NDUFS1: variants seen among roughly 807,000 people sequenced by gnomAD.
The protein encoded by NDUFS1 is NADH:ubiquinone oxidoreductase core subunit S1.
A neutral mutation model predicts 84.4 loss-of-function variants in NDUFS1; 61 were observed. The observed-to-expected ratio is 0.72, with a 90% CI of 0.59 to 0.89. The LOEUF is 0.89. Among genes scored for constraint, NDUFS1 ranks in the 40% least tolerant of loss-of-function variants. The pLI, the probability that NDUFS1 is intolerant of heterozygous loss-of-function variation, is 0.00. For missense variants in NDUFS1, 891 were observed against 890.0 expected, an observed-to-expected ratio of 1.00 and a Z score of -0.01; for synonymous variants, 275 against 290.0, an observed-to-expected ratio of 0.95 and a Z score of 0.53.
Position 206,126,831 on chromosome 2 carries a change from G to A in NDUFS1, c.1898C>T (p.Thr633Ile), listed in dbSNP as rs2105943960. ...TTGATCCAGAGTATCATATGGAAGA[G>A]TCATTCCAGCAATCTACAACATGTC... The part of the protein sequence containing the change: ...IRALSEIAGM[T>I]LPYDTLDQVR... The change falls in exon 17 of 19, where the codon ACT becomes ATT. Residue 633 changes from threonine to isoleucine, a missense_variant. Coordinates refer to ENST00000233190, the MANE Select transcript of NDUFS1 (RefSeq NM_005006.7). 4.3e-6 allele frequency: 7 copies of A among 1,614,118 alleles called. No homozygotes were observed. Among genetic ancestry groups the A allele is most frequent in the Non-Finnish European group, 5.1e-6 (6 of 1,180,020 alleles).
chr2:206,150,023 T>TTCTATCCATCTATCTA (rs1553507437), intron 3 of NDUFS1, 98 bp from the exon 4 acceptor site: 5 of 691,184 alleles, frequency 7.2e-6, no homozygotes, highest in Non-Finnish European at 1.3e-5. Flanking sequence ...ATCTTATTAC[T>TTCTATCCATCTATCTA]TCTATCTATC....
chr2:206,155,950 C>T (rs2105775329), intron 1 of NDUFS1, among the ~76,000 whole-genome samples: 1 of 151,594 alleles, frequency 6.6e-6, no homozygotes, highest in African/African-American at 2.4e-5. Flanking sequence ...TTCACTTGAT[C>T]ATATAGGTTG....
chr2:206,139,820 T>C (rs1212150285), intron 12 of NDUFS1, among the ~76,000 whole-genome samples: 1 of 143,288 alleles, frequency 7.0e-6, no homozygotes, highest in Non-Finnish European at 1.5e-5. Flanking sequence ...ATCTCTAAGA[T>C]GTAAATTTAA....
At chr2:206,158,374 C>T (rs1169615120) in intron 1 of NDUFS1, among the ~76,000 whole-genome samples, 1 of 152,186 alleles carries the variant, frequency 6.6e-6, no homozygotes, top group Non-Finnish European at 1.5e-5. Flanking sequence ...CCTCCTTATC[C>T]TTCAAATCTT....
chr2:206,132,952 G>A lies in NDUFS1; in HGVS notation c.1546C>T (p.Leu516Phe). 2 of 1,612,646 alleles carry A rather than the reference G, an allele frequency of 1.2e-6. No homozygotes were observed. The highest frequency in any genetic ancestry group is 1.7e-6 in the Non-Finnish European group (2 of 1,178,916). Residue 516 changes from leucine (L) to phenylalanine (F), a missense_variant, in exon 14 of 19, where the codon CTT becomes TTT. Physicochemically the swap from Leu to Phe is conservative, Grantham distance 22 (BLOSUM62 0). Coordinates refer to ENST00000233190, the MANE Select transcript of NDUFS1 (RefSeq NM_005006.7). The part of the protein sequence containing the change: ...VTGDWKVMNI[L>F]HRIASQVAAL... ...AGCAATTACTCAACAAACCTATGAA[G>A]GATATTCATAACTTTCCAATCACCA... is the stretch of plus-strand genomic sequence containing the variant.
Position 206,140,943 on chromosome 2 carries a change from T to TATATATATATATATACACACACAC in NDUFS1, c.1262+997_1262+998insGTGTGTGTGTATATATATATATAT, listed in dbSNP as rs367723817. On this transcript the variant is annotated intron_variant, in intron 12 of 18. Transcript: ENST00000233190. The stretch of plus-strand genomic sequence containing the variant: ...GTGTGTATATATATATATATATATA[T>TATATATATATATATACACACACAC]ACACACACACTGAGAATCATAATAC... Among the ~76,000 whole-genome samples the TATATATATATATATACACACACAC allele has an allele frequency of 3.5e-3, 472 of 136,026 alleles. 3 individuals are homozygous for TATATATATATATATACACACACAC. Among genetic ancestry groups the TATATATATATATATACACACACAC allele is most frequent in the Middle Eastern group, 7.8e-3 (2 of 256 alleles). The allele number at this position is 136,026 out of a possible 152,430, so 89.2% of individuals were successfully genotyped here.
intron 14 of NDUFS1, among the ~76,000 whole-genome samples, chr2:206,131,097 T>A (rs1473168417): frequency 6.6e-6 from 1 of 152,198 alleles, no homozygotes; most frequent in East Asian, 1.9e-4. Flanking sequence ...TTGTTTTGGT[T>A]TAGCTTGGTA....
At chr2:206,132,659 TAATTA>T (rs1316024295) in intron 14 of NDUFS1, among the ~76,000 whole-genome samples, 1 of 152,244 alleles carries the variant, frequency 6.6e-6, no homozygotes, top group Non-Finnish European at 1.5e-5. Context: ...TTTTATCATT[TAATTA>T]AAGAACTTGT....
chr2:206,152,312 ATAGT>A (rs1326818234), intron 3 of NDUFS1, 103 bp downstream of exon 3: 2 of 833,592 alleles, frequency 2.4e-6, no homozygotes, highest in Non-Finnish European at 4.0e-6. Flanking sequence ...TTTGCTGTGT[ATAGT>A]TATTTTAAAG....
At chr2:206,151,478 C>T (rs555673780) in intron 3 of NDUFS1, among the ~76,000 whole-genome samples, 1 of 152,312 alleles carries the variant, frequency 6.6e-6, no homozygotes, top group South Asian at 2.1e-4. Context: ...CTTTCTACTA[C>T]CTCCTATCCC....
chr2:206,126,603 G>C lies in NDUFS1; in HGVS notation c.2028C>G (p.Asn676Lys). ...CAAGTGGGTCAGCAAGAAGCTGCTG[G>C]TTCACTAGCTGCACAAAAAAGAAGA... ...QQANELSKLV[N>K]QQLLADPLVP... Residue 676 changes from asparagine (N) to lysine (K), a missense_variant, in exon 18 of 19, where the codon AAC (asparagine) becomes AAG (lysine). By Grantham distance (94) the Asn-to-Lys change is moderately conservative. Transcript: ENST00000233190. 1 of 1,614,106 alleles carries C rather than the reference G, an allele frequency of 6.2e-7. No homozygotes were observed. The highest frequency in any genetic ancestry group is 8.5e-7 in the Non-Finnish European group (1 of 1,180,022).
At chr2:206,132,208 T>C (rs972001220) in intron 14 of NDUFS1, among the ~76,000 whole-genome samples, 5 of 152,162 alleles carry the variant, frequency 3.3e-5, no homozygotes, top group African/African-American at 1.2e-4. Flanking sequence ...TATCTACACA[T>C]TGTAGAATAA....
At chr2:206,127,590 G>A in intron 16 of NDUFS1, 1 of 572,020 alleles carries the variant, frequency 1.7e-6, no homozygotes, top group East Asian at 3.0e-5. Flanking sequence ...GTCTTGCTCT[G>A]TCCCTCAGGC....
intron 1 of NDUFS1, among the ~76,000 whole-genome samples, chr2:206,154,461 C>T (rs13401715): frequency 1.3e-5 from 2 of 152,070 alleles, no homozygotes; most frequent in African/African-American, 4.8e-5. Context: ...CAGGACAGTC[C>T]CCCACAATAA....
chr2:206,134,174 T>C (rs1023982778), intron 13 of NDUFS1, among the ~76,000 whole-genome samples: 29 of 152,094 alleles, frequency 1.9e-4, no homozygotes, highest in Admixed American at 5.9e-4. Context: ...TTGAGAGAAA[T>C]AGTTTTTAAT....
In NDUFS1 at chr2:206,133,551, A is replaced by G. The variant is rs78376177; in HGVS notation, c.1393-446T>C. Reference sequence around the variant, plus strand: ...GGAGGCAGGGAAAGCAATGATCACCAGATCACAATGTTAAATACCTACAAT... The same window carrying G: ...GGAGGCAGGGAAAGCAATGATCACCGGATCACAATGTTAAATACCTACAAT... On this transcript the variant is annotated intron_variant, in intron 13 of 18. Coordinates refer to ENST00000233190, the MANE Select transcript of NDUFS1 (RefSeq NM_005006.7). Among the ~76,000 whole-genome samples, 520 of 152,334 alleles carry G rather than the reference A, an allele frequency of 3.4e-3. 6 individuals carry two copies. Among genetic ancestry groups the G allele is most frequent in the African/African-American group, 0.012 (497 of 41,582 alleles).
chr2:206,153,913 A>G (rs2105984547), intron 1 of NDUFS1, among the ~76,000 whole-genome samples: 1 of 152,350 alleles, frequency 6.6e-6, no homozygotes, highest in Admixed American at 6.5e-5. Flanking sequence ...GGACTTTCTA[A>G]TTCTATGCAG....
intron 14 of NDUFS1, among the ~76,000 whole-genome samples, chr2:206,130,759 G>A (rs767278903): frequency 1.3e-5 from 2 of 152,180 alleles, no homozygotes; most frequent in Admixed American, 6.5e-5. Context: ...TTCTTAGGAC[G>A]CTCTGTCTCT....
chr2:206,131,844 C>T (rs1691523188), intron 14 of NDUFS1, among the ~76,000 whole-genome samples: 1 of 152,092 alleles, frequency 6.6e-6, no homozygotes, highest in Non-Finnish European at 1.5e-5. Context: ...GAGGCTGAGG[C>T]AGGAGAATTG....
Sources: gnomAD v4.1 joint callset for allele counts (sites outside exome capture counted in the v4.1 genomes callset) on GRCh38, gnomAD v4.1.1 for gene constraint, MANE v1.5 for transcripts, NCBI Gene and HGNC (gene_info 2026-07-23, HGNC 2026-07-21) for gene names.